Variants in GPHN observed in about 807,000 individuals in gnomAD.
GPHN encodes the protein gephyrin.
In GPHN, 17 loss-of-function variants were observed where a neutral mutation model predicts 95.5. The observed-to-expected ratio is 0.18, with a 90% CI of 0.12 to 0.27. The LOEUF is 0.27. GPHN is among the 10% of genes least tolerant of loss of function. The pLI, the probability that GPHN is intolerant of heterozygous loss-of-function variation, is 1.00. For missense variants in GPHN, 660 were observed against 978.1 expected (o/e 0.67, Z 4.34); for synonymous variants, 320 against 322.5 (o/e 0.99, Z 0.08).
intron 12 of GPHN, among the ~76,000 whole-genome samples, chr14:67,097,653 G>T (rs934646477): frequency 6.6e-6 from 1 of 152,072 alleles, no homozygotes; most frequent in Non-Finnish European, 1.5e-5. Context: ...ACTCTCCAGT[G>T]TAGCTCAGGT....
At chr14:67,577,891 C>T in the GPHN span, 20 of 720,232 alleles carry the variant, frequency 2.8e-5, no homozygotes, top group Middle Eastern at 4.0e-4. Context: ...CCAACAGTAG[C>T]AGTGCTCCCT....
chr14:66,807,090 T>C (rs1004766958), intron 3 of GPHN, among the ~76,000 whole-genome samples: 1 of 152,150 alleles, frequency 6.6e-6, no homozygotes, highest in African/African-American at 2.4e-5. Context: ...CTCACAATCA[T>C]GGTGGAAGGC....
intron 3 of GPHN, among the ~76,000 whole-genome samples, chr14:66,804,045 A>T (rs528203181): frequency 6.6e-5 from 10 of 151,520 alleles, no homozygotes; most frequent in Non-Finnish European, 8.8e-5. Flanking sequence ...TTTGGGTTCT[A>T]CTTTCTGGCA....
chr14:67,560,089 CA>C, the GPHN span, among the ~76,000 whole-genome samples: 2 of 152,172 alleles, frequency 1.3e-5, no homozygotes, highest in Non-Finnish European at 2.9e-5. Context: ...TGTAGTGGCG[CA>C]ATCTCGGCTT....
At chr14:66,905,235 G>A (rs2065320414) in intron 5 of GPHN, among the ~76,000 whole-genome samples, 1 of 151,878 alleles carries the variant, frequency 6.6e-6, no homozygotes, top group African/African-American at 2.4e-5. Context: ...CTTTTCAGTT[G>A]AACAAATATA....
At chr14:67,555,056 G>A in the GPHN span, among the ~76,000 whole-genome samples, 1 of 152,030 alleles carries the variant, frequency 6.6e-6, no homozygotes, top group African/African-American at 2.4e-5. Flanking sequence ...GGGACTACAG[G>A]CGCACACCGC....
At chr14:67,125,135 G>A (rs2079221650) in intron 17 of GPHN, among the ~76,000 whole-genome samples, 1 of 151,804 alleles carries the variant, frequency 6.6e-6, no homozygotes, top group Non-Finnish European at 1.5e-5. Flanking sequence ...AAAAAAAAAA[G>A]AAATTGATGC....
At chr14:67,449,503 C>T in the GPHN span, among the ~76,000 whole-genome samples, 1 of 152,124 alleles carries the variant, frequency 6.6e-6, no homozygotes, top group Non-Finnish European at 1.5e-5. Context: ...GAGGGAGTCT[C>T]CTGACAATGG....
intron 1 of GPHN, among the ~76,000 whole-genome samples, chr14:66,545,341 C>G: frequency 7.0e-6 from 1 of 142,310 alleles, no homozygotes; most frequent in South Asian, 2.3e-4. Context: ...GGGGCTGACC[C>G]CCCCACCTCC....
chr14:66,896,579 T>C (rs920532518), intron 5 of GPHN, among the ~76,000 whole-genome samples: 12 of 152,136 alleles, frequency 7.9e-5, no homozygotes, highest in Non-Finnish European at 1.5e-4. Flanking sequence ...GCCACTGCAC[T>C]CGCCTGGGGT....
At chr14:67,578,717 C>T in the GPHN span, 1 of 851,218 alleles carries the variant, frequency 1.2e-6, no homozygotes, top group South Asian at 1.4e-5. The surrounding 1 kb of genome is among the most constrained non-coding windows in gnomAD (Gnocchi z 5.0). Context: ...CTAGGGCAGA[C>T]CAGATCACTC....
At chr14:66,569,125 A>G (rs1470830390) in intron 1 of GPHN, among the ~76,000 whole-genome samples, 1 of 152,182 alleles carries the variant, frequency 6.6e-6, no homozygotes, top group Non-Finnish European at 1.5e-5. Flanking sequence ...ACTTCTGTTT[A>G]TAGTTACAGA....
chr14:67,017,852 T>C (rs1179593068), intron 9 of GPHN, among the ~76,000 whole-genome samples: 1 of 152,112 alleles, frequency 6.6e-6, no homozygotes, highest in Non-Finnish European at 1.5e-5. Flanking sequence ...AAGTAAAACT[T>C]CTTTGTAAGC....
chr14:66,707,739 C>T (rs1194959756), intron 2 of GPHN, among the ~76,000 whole-genome samples: 1 of 151,890 alleles, frequency 6.6e-6, no homozygotes, highest in East Asian at 1.9e-4. Flanking sequence ...ACATGTATAC[C>T]TATGTAACAA....
chr14:67,659,682 C>T, the GPHN span: 1 of 1,534,638 alleles, frequency 6.5e-7, no homozygotes, highest in African/African-American at 1.4e-5. Context: ...ATTTTTGTAC[C>T]ACAGGCCCTT....
the GPHN span, chr14:67,685,119 C>A: frequency 6.2e-7 from 1 of 1,614,162 alleles, no homozygotes; most frequent in Admixed American, 1.7e-5. Flanking sequence ...AGAAAAGCCA[C>A]CACATCCATC....
intron 4 of GPHN, among the ~76,000 whole-genome samples, chr14:66,845,924 AAT>A (rs2062317691): frequency 6.6e-6 from 1 of 152,058 alleles, no homozygotes; most frequent in Non-Finnish European, 1.5e-5. Flanking sequence ...GATGAAACAC[AAT>A]ATGAGTTAAA....
the GPHN span, among the ~76,000 whole-genome samples, chr14:67,725,504 T>A: frequency 6.6e-6 from 1 of 152,236 alleles, no homozygotes; most frequent in Non-Finnish European, 1.5e-5. Flanking sequence ...GGCTTGCACC[T>A]TGGCATCAAG....
In GPHN at chr14:66,932,453, T is replaced by TTTTTTG. The variant is rs1476505526; in HGVS notation, c.828+8166_828+8167insGTTTTT. On this transcript the variant is annotated intron_variant, in intron 8 of 22. Transcript: ENST00000478722. ...ATCCTGCCAAGACCAGGTTTTTTTT[T>TTTTTTG]TTTTTTTTTTTTTTTTTTTTTTTTT... 1.4e-3 allele frequency among the ~76,000 whole-genome samples: 162 copies of TTTTTTG among 116,624 alleles called. 2 individuals are homozygous for TTTTTTG. Among genetic ancestry groups the TTTTTTG allele is most frequent in the Non-Finnish European group, 2.7e-3 (145 of 54,504 alleles). 76.5% of individuals were successfully genotyped at this position (116,624 alleles called of 152,430 possible).
Sources: allele counts gnomAD v4.1 joint callset (sites outside exome capture counted in the v4.1 genomes callset), GRCh38; gene constraint gnomAD v4.1.1; non-coding constraint Gnocchi (gnomAD v3.1); transcripts MANE v1.5; gene names NCBI Gene and HGNC (gene_info 2026-07-23, HGNC 2026-07-21).